The following VWDE variants were observed in gnomAD, a reference collection of about 807,000 sequenced individuals.
The protein encoded by VWDE is von Willebrand factor D and EGF domain-containing protein.
A neutral mutation model predicts 178.4 loss-of-function variants in VWDE; 207 were observed. That is an observed-to-expected ratio of 1.16 (90% CI 1.04 to 1.30). The LOEUF is 1.30. Ranked by LOEUF, VWDE falls within the 50% of genes most tolerant of loss-of-function variation. The pLI is 0.00. For synonymous variants in VWDE, 738 were observed against 651.4 expected (o/e 1.13, Z -2.02); for missense variants, 2,287 against 1,901.3 (o/e 1.20, Z -3.77).
chr7:12,360,061 A>G (rs1782490211), intron 15 of VWDE, among the ~76,000 whole-genome samples: 1 of 152,200 alleles, frequency 6.6e-6, no homozygotes, highest in African/African-American at 2.4e-5. Context: ...ACAATTTATA[A>G]AATCACATTA....
chr7:12,347,055 C>A (rs925403451), intron 19 of VWDE, among the ~76,000 whole-genome samples: 1 of 152,040 alleles, frequency 6.6e-6, no homozygotes, highest in Non-Finnish European at 1.5e-5. Context: ...CCAAATATAG[C>A]CCCAAACATA....
At chr7:12,340,143 A>G (rs186766062) in intron 24 of VWDE, among the ~76,000 whole-genome samples, 179 bp downstream of exon 24, 7 of 152,188 alleles carry the variant, frequency 4.6e-5, no homozygotes, top group African/African-American at 1.7e-4. Flanking sequence ...ACCGTTTTAC[A>G]TAATAACTTT....
In VWDE at chr7:12,393,692, C is replaced by T; in HGVS notation, c.145G>A (p.Ala49Thr). The T allele has an allele frequency of 6.4e-7, 1 of 1,551,258 alleles. No individual in the cohort carries two copies. The highest frequency in any genetic ancestry group is 1.4e-5 in the African/African-American group (1 of 73,114). Residue 49 changes from alanine (A) to threonine (T), a missense_variant, in exon 2 of 29, where the codon GCT becomes ACT. Ala to Thr is a moderately conservative substitution (Grantham distance 58). Transcript: ENST00000275358. ...TGGTCACATATTAGGTCTTGAACAG[C>T]TGACTGCTGGAGGTGCCATGAGTCA... ...RFDSWHLQQS[A>T]VQDLICDHSL...
At chr7:12,374,616 T>A (rs1783405900) in intron 9 of VWDE, 73 bp downstream of exon 9, 1 of 1,089,350 alleles carries the variant, frequency 9.2e-7, no homozygotes, top group Non-Finnish European at 1.3e-6. Context: ...TATAAAACAA[T>A]ACACTGTTTA....
rs1583328301 is a variant in VWDE at position 12,377,764 on chromosome 7, T to G, written c.1024+12A>C. 2 of 1,413,158 alleles carry G rather than the reference T, an allele frequency of 1.4e-6. No individual in the cohort carries two copies. Among genetic ancestry groups the G allele is most frequent in the East Asian group, 5.2e-5 (2 of 38,522 alleles). 87.5% of individuals were successfully genotyped at this position (1,413,158 alleles called of 1,614,324 possible). A position where few individuals can be genotyped will look rare whatever the true frequency, so the allele number is the denominator to read the frequency against. ...AATCTAATAATAAGATAAAATAAAG[T>G]TAGTATATTACCTTGACCAATAGTT... is the stretch of plus-strand genomic sequence containing the variant. On this transcript the variant is annotated intron_variant, in intron 7 of 28. Coordinates refer to ENST00000275358, the MANE Select transcript of VWDE (RefSeq NM_001135924.3).
intron 3 of VWDE, among the ~76,000 whole-genome samples, chr7:12,386,918 A>C (rs908665755): frequency 2.6e-5 from 4 of 152,232 alleles, no homozygotes; most frequent in African/African-American, 9.6e-5. Context: ...CCAGCAGTAC[A>C]TATGTGTGAA....
chr7:12,361,860 T>A (rs1273216762), intron 13 of VWDE, among the ~76,000 whole-genome samples: 2 of 152,030 alleles, frequency 1.3e-5, no homozygotes, highest in Non-Finnish European at 2.9e-5. Flanking sequence ...GGATTGATTT[T>A]CTGCCCAGAA....
At chr7:12,357,604 G>A in intron 16 of VWDE, 89 bp from the exon 17 acceptor site, 1 of 1,396,714 alleles carries the variant, frequency 7.2e-7, no homozygotes, top group South Asian at 1.4e-5. Context: ...TATGCATTTT[G>A]ATAAAGACTG....
At chr7:12,395,318 G>T (rs1319657787) in intron 1 of VWDE, among the ~76,000 whole-genome samples, 1 of 152,098 alleles carries the variant, frequency 6.6e-6, no homozygotes, top group Non-Finnish European at 1.5e-5. Flanking sequence ...TTAAAAAAGA[G>T]ACTTTGAAAG....
chr7:12,382,671 A>C (rs1367669427), intron 4 of VWDE, among the ~76,000 whole-genome samples: 21 of 152,002 alleles, frequency 1.4e-4, no homozygotes, highest in Non-Finnish European at 7.4e-5. Context: ...TAAATTAATT[A>C]TATGTCAACA....
Position 12,370,377 on chromosome 7 carries a change from T to C in VWDE, c.1929A>G (p.Arg643=). 6.4e-7 allele frequency: 1 copy of C among 1,550,788 alleles called. No homozygotes were observed. The highest frequency in any genetic ancestry group is 1.2e-5 in the South Asian group (1 of 84,058). ...PSSEDLDSVS[R]SEIALGCKDL... Reference sequence around the variant, plus strand: ...CTTTGCAACCCAAGGCAATTTCTGATCGAGAAACACTGTCCAGATCTTCGG... The same window carrying C: ...CTTTGCAACCCAAGGCAATTTCTGACCGAGAAACACTGTCCAGATCTTCGG... Residue 643 remains arginine (R), a synonymous_variant, in exon 12 of 29, where the codon CGA becomes CGG. Coordinates refer to ENST00000275358, the MANE Select transcript of VWDE (RefSeq NM_001135924.3).
Position 12,377,781 on chromosome 7 carries a change from C to A in VWDE, c.1019G>T (p.Gly340Val), listed in dbSNP as rs7793993. ...AAATAAAGTTAGTATATTACCTTGA[C>A]CAATAGTTTTCAGTTTTAATGAGAT... ...CKISLKLKTI[G>V]QGREHLGLNL... Residue 340 changes from glycine (G) to valine (V), a missense_variant, in exon 7 of 29, where the codon GGT (glycine) becomes GTT (valine). Gly to Val is a moderately radical substitution (Grantham distance 109). Coordinates refer to ENST00000275358, the MANE Select transcript of VWDE (RefSeq NM_001135924.3). The A allele has an allele frequency of 6.8e-7, 1 of 1,475,896 alleles. No homozygotes were observed. The highest frequency in any genetic ancestry group is 2.5e-5 in the East Asian group (1 of 39,890). The allele number at this position is 1,475,896 out of a possible 1,614,324, so 91.4% of individuals were successfully genotyped here.
At chr7:12,331,219 T>G in intron 28 of VWDE, 22 bp from the exon 29 acceptor site, 1 of 1,537,346 alleles carries the variant, frequency 6.5e-7, no homozygotes, top group Non-Finnish European at 8.8e-7. Flanking sequence ...AGAAGGAAAT[T>G]GTGTTTCAAT....
Position 12,340,352 on chromosome 7 carries a change from T to C in VWDE, c.4336A>G (p.Asn1446Asp). 1.9e-6 allele frequency: 3 copies of C among 1,551,426 alleles called. No homozygotes were observed. Among genetic ancestry groups the C allele is most frequent in the Non-Finnish European group, 1.7e-6 (2 of 1,146,830 alleles). Residue 1446 changes from asparagine to aspartate, a missense_variant, in exon 24 of 29, where the codon AAT becomes GAT. Physicochemically the swap from Asn to Asp is conservative, Grantham distance 23. Coordinates refer to ENST00000275358, the MANE Select transcript of VWDE (RefSeq NM_001135924.3). ...CNKPNTCLCP[N>D]GFFGEHCQNA... Reference sequence around the variant, plus strand: ...TGACAGTGTTCCCCAAAGAATCCATTTGGACAGAGGCAAGTATTTGGCTTA... The same window carrying C: ...TGACAGTGTTCCCCAAAGAATCCATCTGGACAGAGGCAAGTATTTGGCTTA...
chr7:12,386,531 A>G (rs538365742), intron 3 of VWDE, among the ~76,000 whole-genome samples: 3 of 152,148 alleles, frequency 2.0e-5, no homozygotes, highest in Non-Finnish European at 2.9e-5. Flanking sequence ...TCCCTCACTC[A>G]TTGAGATCTA....
intron 1 of VWDE, 55 bp from the exon 2 acceptor site, chr7:12,393,833 T>A: frequency 7.1e-7 from 1 of 1,404,486 alleles, no homozygotes. Flanking sequence ...TTGACATAGT[T>A]CGGTCCTCAA....
chr7:12,365,761 C>A (rs894077069), intron 13 of VWDE, among the ~76,000 whole-genome samples: 45 of 152,232 alleles, frequency 3.0e-4, no homozygotes, highest in African/African-American at 1.1e-3. Flanking sequence ...AAACCCAGCA[C>A]TGGGCAAGAC....
Position 12,356,266 on chromosome 7 carries a change from GGAGAAAAGTTCCTATCA to G in VWDE, c.3573_3589del (p.Asp1192ArgfsTer19). Reference sequence around the variant, plus strand: ...GACACACAGGTACACTCCACTCCCTGGAGAAAAGTTCCTATCAGATACACATGATCCACCATTCAAGC... The same window carrying G: ...GACACACAGGTACACTCCACTCCCTGGATACACATGATCCACCATTCAAGC... On this transcript the variant is annotated frameshift_variant, in exon 18 of 29. Coordinates refer to ENST00000275358, the MANE Select transcript of VWDE (RefSeq NM_001135924.3). LOFTEE classifies it high-confidence loss of function. 1 of 1,551,444 alleles carries G rather than the reference GGAGAAAAGTTCCTATCA, an allele frequency of 6.4e-7. No individual in the cohort carries two copies. Among genetic ancestry groups the G allele is most frequent in the Non-Finnish European group, 8.7e-7 (1 of 1,146,940 alleles).
At chr7:12,378,431 TC>T (rs1783658515) in intron 6 of VWDE, among the ~76,000 whole-genome samples, 2 of 152,210 alleles carry the variant, frequency 1.3e-5, no homozygotes, top group Admixed American at 1.3e-4. Context: ...GAGTTGAACT[TC>T]CTGAGAACTG....
Sources: gnomAD v4.1 joint callset for allele counts (sites outside exome capture counted in the v4.1 genomes callset) on GRCh38, gnomAD v4.1.1 for gene constraint, MANE v1.5 for transcripts, NCBI Gene and HGNC (gene_info 2026-07-23, HGNC 2026-07-21) for gene names.